Variants in ADARB1 observed in about 807,000 individuals in gnomAD.
The protein encoded by ADARB1 is double-stranded RNA-specific editase 1.
In ADARB1, 10 loss-of-function variants were observed where a neutral mutation model predicts 52.4. The ratio of observed to expected loss-of-function variants is 0.19; its 90% confidence interval spans 0.12 to 0.32. The LOEUF (loss-of-function observed/expected upper bound fraction) is 0.32. ADARB1 is among the 10% of genes least tolerant of loss of function. The pLI, the probability that ADARB1 is intolerant of heterozygous loss-of-function variation, is 1.00. For synonymous variants in ADARB1, 349 were observed against 371.1 expected, an observed-to-expected ratio of 0.94 and a Z score of 0.68; for missense variants, 643 against 922.3, an observed-to-expected ratio of 0.70 and a Z score of 3.92.
In ADARB1 at chr21:45,223,640, C is replaced by T; in HGVS notation, c.*1443C>T. 2.0e-6 allele frequency: 2 copies of T among 985,610 alleles called. No individual in the cohort carries two copies. The highest frequency in any genetic ancestry group is 2.4e-6 in the Non-Finnish European group (2 of 830,108). 61.1% of individuals were successfully genotyped at this position (985,610 alleles called of 1,614,324 possible). A position where few individuals can be genotyped will look rare whatever the true frequency, so the allele number is the denominator to read the frequency against. ...ACCTTACCCCACAGCATACACCTGC[C>T]ACAGCGAAATCCAGGGTGTTGGCAC... On this transcript the variant is annotated 3_prime_UTR_variant, in exon 11 of 11. Coordinates refer to ENST00000348831, the MANE Select transcript of ADARB1 (RefSeq NM_001112.4).
At chr21:45,149,941 C>G (rs191420759) in intron 2 of ADARB1, among the ~76,000 whole-genome samples, 73 of 152,324 alleles carry the variant, frequency 4.8e-4, no homozygotes, top group Non-Finnish European at 9.4e-4. Context: ...CTCTTTGCCC[C>G]TTTACAGAAA....
intron 1 of ADARB1, among the ~76,000 whole-genome samples, chr21:45,089,155 G>A (rs1214359548): frequency 6.6e-6 from 1 of 152,142 alleles, no homozygotes; most frequent in Non-Finnish European, 1.5e-5. Context: ...TTCTGATTTC[G>A]ATATATCCTT....
At chr21:45,121,711 T>C (rs2145798550) in intron 1 of ADARB1, among the ~76,000 whole-genome samples, 1 of 152,348 alleles carries the variant, frequency 6.6e-6, no homozygotes, top group East Asian at 1.9e-4. Flanking sequence ...ACTGAGCTTT[T>C]AGCGTTAGTC....
intron 2 of ADARB1, among the ~76,000 whole-genome samples, chr21:45,141,566 C>A (rs2089723870): frequency 6.6e-6 from 1 of 152,120 alleles, no homozygotes; most frequent in Admixed American, 6.5e-5. Context: ...GGTGATAGTC[C>A]CCCTAGGTTT....
chr21:45,099,695 T>C (rs2086917720), intron 1 of ADARB1, among the ~76,000 whole-genome samples: 1 of 152,220 alleles, frequency 6.6e-6, no homozygotes, highest in African/African-American at 2.4e-5. Flanking sequence ...TTTTAAGTTA[T>C]GTAAATCCAA....
At chr21:45,080,264 A>G (rs987975099) in intron 1 of ADARB1, among the ~76,000 whole-genome samples, 2 of 152,166 alleles carry the variant, frequency 1.3e-5, no homozygotes, top group Non-Finnish European at 2.9e-5. Context: ...TTTTAGTTGT[A>G]TTTTTAAATG....
Position 45,110,827 on chromosome 21 carries a change from G to A in ADARB1, c.-219-17575G>A, listed in dbSNP as rs192839840. Among the ~76,000 whole-genome samples the A allele has an allele frequency of 3.4e-4, 52 of 152,230 alleles. 1 individual carries two copies. The East Asian group carries it at 6.6e-3, about 19-fold the overall frequency. On this transcript the variant is annotated intron_variant, in intron 1 of 10. Transcript: ENST00000348831. ...GTGCTGCTTCCTAAATGCAGTGGGC[G>A]CATCTCTGTCAGTTTTTACCTGCTG...
In ADARB1 at chr21:45,128,132, C is replaced by T. The variant is rs191099924; in HGVS notation, c.-219-270C>T. On this transcript the variant is annotated intron_variant, in intron 1 of 10. Coordinates refer to ENST00000348831, the MANE Select transcript of ADARB1 (RefSeq NM_001112.4). This position sits in a 1 kb window ranked among gnomAD's most constrained non-coding sequence, Gnocchi z 4.6. Reference sequence around the variant, plus strand: ...CAGTCCTCAGTGTGTGGCCTGGTGCCGCTGATGCCGAGATGTTGGGCTGGC... The same window carrying T: ...CAGTCCTCAGTGTGTGGCCTGGTGCTGCTGATGCCGAGATGTTGGGCTGGC... Among the ~76,000 whole-genome samples the T allele has an allele frequency of 6.6e-6, 1 of 152,300 alleles. No individual in the cohort carries two copies. The highest frequency in any genetic ancestry group is 2.4e-5 in the African/African-American group (1 of 41,552).
In ADARB1 at chr21:45,222,567, A is replaced by T. The variant is rs1157143889; in HGVS notation, c.*370A>T. The T allele has an allele frequency of 2.9e-6, 3 of 1,036,088 alleles. No homozygotes were observed. In the African/African-American group the frequency reaches 5.1e-5, roughly 17 times the overall value. The allele number at this position is 1,036,088 out of a possible 1,614,324, so 64.2% of individuals were successfully genotyped here. On this transcript the variant is annotated 3_prime_UTR_variant, in exon 11 of 11. Transcript: ENST00000348831. Reference sequence around the variant, plus strand: ...ATTACTTTGTGTGAAATTCTTGAATAAATAATTTATTCAGAGCTAGGAATG... The same window carrying T: ...ATTACTTTGTGTGAAATTCTTGAATTAATAATTTATTCAGAGCTAGGAATG...
At chr21:45,085,730 T>A (rs1168882987) in intron 1 of ADARB1, among the ~76,000 whole-genome samples, 1 of 152,230 alleles carries the variant, frequency 6.6e-6, no homozygotes, top group African/African-American at 2.4e-5. Flanking sequence ...GAGTGACATA[T>A]TTATCTTGTT....
At chr21:45,090,384 G>A (rs2086514643) in intron 1 of ADARB1, among the ~76,000 whole-genome samples, 1 of 152,078 alleles carries the variant, frequency 6.6e-6, no homozygotes, top group South Asian at 2.1e-4. Flanking sequence ...TTTACATGCT[G>A]TAGTAGCTAC....
chr21:45,089,261 G>T (rs904349526), intron 1 of ADARB1, among the ~76,000 whole-genome samples: 6 of 152,208 alleles, frequency 3.9e-5, no homozygotes, highest in African/African-American at 1.4e-4. Context: ...CTGGGAGAAG[G>T]ACATAGGGGA....
At chr21:45,131,828 G>A (rs948119006) in intron 2 of ADARB1, among the ~76,000 whole-genome samples, 3 of 152,246 alleles carry the variant, frequency 2.0e-5, no homozygotes, top group African/African-American at 4.8e-5. Flanking sequence ...ACACAGCGTG[G>A]AGGTGCCCTC....
chr21:45,183,455 C>T lies in ADARB1; in HGVS notation c.1341C>T (p.Ser447=). The stretch of plus-strand genomic sequence containing the variant: ...ATGTCCAGTTTCATCTGTACATCAG[C>T]ACCTCTCCCTGTGGAGATGCCAGAA... ...KENVQFHLYI[S]TSPCGDARIF... The change falls in exon 7 of 11, where the codon AGC becomes AGT. Residue 447 remains serine (S), a synonymous_variant. Transcript: ENST00000348831. The T allele has an allele frequency of 2.5e-6, 4 of 1,613,496 alleles. No homozygotes were observed. The highest frequency in any genetic ancestry group is 4.5e-5 in the East Asian group (2 of 44,844).
In ADARB1 at chr21:45,142,020, TTAGCCACCCCTGGGCCACTG is replaced by T. The variant is rs1464791675; in HGVS notation, c.-48+13456_-48+13475del. 3.3e-5 allele frequency among the ~76,000 whole-genome samples: 5 copies of T among 151,918 alleles called. No individual in the cohort carries two copies. The highest frequency in any genetic ancestry group is 9.7e-5 in the African/African-American group (4 of 41,330). On this transcript the variant is annotated intron_variant, in intron 2 of 10. Transcript: ENST00000348831. This position sits in a 1 kb window ranked among gnomAD's most constrained non-coding sequence, Gnocchi z 4.0. The stretch of plus-strand genomic sequence containing the variant: ...GTCAGCTTAGCTGTTTGTGGGTCAC[TTAGCCACCCCTGGGCCACTG>T]TAGCCACCTCTGGGTGTCCTTAGCC...
chr21:45,167,811 T>G (rs979292095), intron 2 of ADARB1, among the ~76,000 whole-genome samples: 3 of 152,228 alleles, frequency 2.0e-5, no homozygotes, highest in African/African-American at 7.2e-5. Flanking sequence ...GAAGTAATAC[T>G]TATATGAACG....
At chr21:45,120,099 G>T (rs768376459) in intron 1 of ADARB1, among the ~76,000 whole-genome samples, 3 of 152,144 alleles carry the variant, frequency 2.0e-5, no homozygotes, top group Non-Finnish European at 4.4e-5. Flanking sequence ...TTAGTGCCCC[G>T]TAATAATTCA....
chr21:45,179,419 C>G (rs1917150057), intron 4 of ADARB1, among the ~76,000 whole-genome samples: 1 of 152,218 alleles, frequency 6.6e-6, no homozygotes, highest in Admixed American at 6.5e-5. Context: ...ATTTTCCAGA[C>G]AAGTGTGAAA....
At chr21:45,202,824 C>G (rs1045846205) in intron 8 of ADARB1, among the ~76,000 whole-genome samples, 5 of 149,988 alleles carry the variant, frequency 3.3e-5, no homozygotes, top group African/African-American at 1.2e-4. Flanking sequence ...TCCCCTGCAG[C>G]CTGTGCCACA....
Sources: gnomAD v4.1 joint callset for allele counts (sites outside exome capture counted in the v4.1 genomes callset) on GRCh38, gnomAD v4.1.1 for gene constraint, Gnocchi (gnomAD v3.1) non-coding constraint, MANE v1.5 for transcripts, NCBI Gene and HGNC (gene_info 2026-07-23, HGNC 2026-07-21) for gene names.